RAB8B: variants seen among roughly 807,000 people sequenced by gnomAD.
RAB8B encodes the protein RAB8B, member RAS oncogene family.
In RAB8B, 11 loss-of-function variants were observed where a neutral mutation model predicts 32.0. The observed-to-expected ratio is 0.34, with a 90% CI of 0.22 to 0.57. The LOEUF (loss-of-function observed/expected upper bound fraction) is 0.57. Among genes scored for constraint, RAB8B ranks in the 20% least tolerant of loss-of-function variants. The pLI, the probability that RAB8B is intolerant of heterozygous loss-of-function variation, is 0.86. For synonymous variants in RAB8B, 103 were observed against 89.6 expected (o/e 1.15, Z -0.85); for missense variants, 190 against 258.5 (o/e 0.73, Z 1.82).
At chr15:63,250,035 C>G (rs1418976892) in intron 3 of RAB8B, among the ~76,000 whole-genome samples, 1 of 152,112 alleles carries the variant, frequency 6.6e-6, no homozygotes, top group Non-Finnish European at 1.5e-5. Context: ...ACTCGGGAGG[C>G]TGAGGCAGGA....
chr15:63,225,247 A>G (rs908771974), intron 1 of RAB8B, among the ~76,000 whole-genome samples: 1 of 152,156 alleles, frequency 6.6e-6, no homozygotes, highest in Non-Finnish European at 1.5e-5. Flanking sequence ...CCTTATAAAT[A>G]TGTTTGACAA....
chr15:63,212,309 C>T (rs1374820985), intron 1 of RAB8B, among the ~76,000 whole-genome samples: 2 of 152,224 alleles, frequency 1.3e-5, no homozygotes, highest in Non-Finnish European at 2.9e-5. Context: ...CATTTTTAAA[C>T]ATCCGGGGTT....
chr15:63,263,577 C>A lies in RAB8B; in HGVS notation c.582C>A (p.Asn194Lys), dbSNP rs772669326. 7 of 1,613,056 alleles carry A rather than the reference C, an allele frequency of 4.3e-6. No homozygotes were observed. The East Asian group carries it at 1.6e-4, about 36-fold the overall frequency. The change falls in exon 8 of 8, where the codon AAC becomes AAA. Residue 194 changes from asparagine (N) to lysine (K), a missense_variant. Asn to Lys is a moderately conservative substitution (Grantham distance 94). Transcript: ENST00000321437. Reference protein sequence around the residue: ...GAGGPVKITENRSKKTSFFRC... With the variant: ...GAGGPVKITEKRSKKTSFFRC... ...GTGGACCAGTGAAAATAACAGAAAA[C>A]CGATCAAAGAAGACCAGTTTCTTTC... is the stretch of plus-strand genomic sequence containing the variant.
chr15:63,189,993 C>G (rs2037540720), intron 1 of RAB8B, among the ~76,000 whole-genome samples: 1 of 142,734 alleles, frequency 7.0e-6, no homozygotes, highest in Non-Finnish European at 1.5e-5. Flanking sequence ...GGAAGGGGAA[C>G]AGAGGAACAA....
rs183636462 is a variant in RAB8B at position 63,258,700 on chromosome 15, T to G, written c.415-927T>G. On this transcript the variant is annotated intron_variant, in intron 5 of 7. Coordinates refer to ENST00000321437, the MANE Select transcript of RAB8B (RefSeq NM_016530.3). ...CTGGGGTTTAAATACCCTCTAGAAA[T>G]TTCCCATGGGTTACTTGGTTTACAC... Among the ~76,000 whole-genome samples the G allele has an allele frequency of 7.9e-5, 12 of 152,332 alleles. No homozygotes were observed. In the East Asian group the frequency reaches 2.1e-3, roughly 27 times the overall value.
At chr15:63,245,486 A>T (rs2038063845) in intron 2 of RAB8B, among the ~76,000 whole-genome samples, 2 of 152,230 alleles carry the variant, frequency 1.3e-5, no homozygotes, top group Non-Finnish European at 2.9e-5. Flanking sequence ...CACCACCACC[A>T]GGTAATTCTC....
In RAB8B at chr15:63,250,840, A is replaced by G. The variant is rs1488125690; in HGVS notation, c.246+1135A>G. Among the ~76,000 whole-genome samples, 4 of 151,210 alleles carry G rather than the reference A, an allele frequency of 2.6e-5. No individual in the cohort carries two copies. The East Asian group carries it at 7.7e-4, about 29-fold the overall frequency. On this transcript the variant is annotated intron_variant, in intron 3 of 7. Transcript: ENST00000321437. ...CATGAACCCCAACCTGGTAGATTGT[A>G]GGGTACCAGCTGCCGTCATTCCCAA...
chr15:63,238,141 G>A (rs1031743260), intron 1 of RAB8B, among the ~76,000 whole-genome samples: 1 of 151,762 alleles, frequency 6.6e-6, no homozygotes, highest in African/African-American at 2.4e-5. Flanking sequence ...CCATAGCTCT[G>A]TAGTATAATT....
chr15:63,204,002 G>T (rs1011499727), intron 1 of RAB8B, among the ~76,000 whole-genome samples: 1 of 152,054 alleles, frequency 6.6e-6, no homozygotes, highest in Non-Finnish European at 1.5e-5. Flanking sequence ...GGGTTGTCGG[G>T]GGGTGGTTGA....
At chr15:63,192,818 G>A (rs1353232406) in intron 1 of RAB8B, among the ~76,000 whole-genome samples, 1 of 152,170 alleles carries the variant, frequency 6.6e-6, no homozygotes, top group Non-Finnish European at 1.5e-5. Context: ...TATTGGCTGG[G>A]TGTGGTGGCT....
intron 1 of RAB8B, among the ~76,000 whole-genome samples, chr15:63,220,668 A>G (rs1437703561): frequency 6.6e-6 from 1 of 152,206 alleles, no homozygotes; most frequent in Admixed American, 6.5e-5. Context: ...CCAGCCATTA[A>G]GATTCATTCC....
At position 63,263,662 on chromosome 15, in the gene RAB8B, T is replaced by A; in HGVS notation, c.*43T>A. The A allele has an allele frequency of 6.8e-7, 1 of 1,468,144 alleles. No homozygotes were observed. Among genetic ancestry groups the A allele is most frequent in the South Asian group, 1.1e-5 (1 of 87,444 alleles). 90.9% of individuals were successfully genotyped at this position (1,468,144 alleles called of 1,614,324 possible). On this transcript the variant is annotated 3_prime_UTR_variant, in exon 8 of 8. Transcript: ENST00000321437. Reference sequence around the variant, plus strand: ...ACTGCAGCACACCTAGAGGGCCCTTTCCTGCTTCTCTGAAAGCACAGGTCA... The same window carrying A: ...ACTGCAGCACACCTAGAGGGCCCTTACCTGCTTCTCTGAAAGCACAGGTCA...
Position 63,263,615 on chromosome 15 carries a change from T to A in RAB8B, c.620T>A (p.Leu207His). 1.9e-6 allele frequency: 3 copies of A among 1,602,800 alleles called. No individual in the cohort carries two copies. Among genetic ancestry groups the A allele is most frequent in the Non-Finnish European group, 2.6e-6 (3 of 1,169,710 alleles). Residue 207 changes from leucine (L) to histidine (H), a missense_variant, in exon 8 of 8, where the codon CTT (leucine) becomes CAT (histidine). Leu to His is a moderately conservative substitution (Grantham distance 99, BLOSUM62 -3). Transcript: ENST00000321437. ...KKTSFFRCSL[L>H] ...ACCAGTTTCTTTCGTTGCTCGCTAC[T>A]TTGATGAACTCTTTCTGAGAGACTG...
intron 1 of RAB8B, among the ~76,000 whole-genome samples, chr15:63,244,018 G>A (rs927278520): frequency 3.9e-5 from 6 of 152,098 alleles, no homozygotes; most frequent in Non-Finnish European, 5.9e-5. Flanking sequence ...AGGACAATCC[G>A]TTCATACAGG....
At chr15:63,205,229 G>T (rs2037688271) in intron 1 of RAB8B, among the ~76,000 whole-genome samples, 2 of 152,260 alleles carry the variant, frequency 1.3e-5, no homozygotes, top group South Asian at 4.1e-4. Context: ...GAACCCAGGA[G>T]ATGGAAGTTG....
intron 1 of RAB8B, among the ~76,000 whole-genome samples, chr15:63,196,207 G>A (rs2037598535): frequency 6.6e-6 from 1 of 152,200 alleles, no homozygotes; most frequent in Admixed American, 6.5e-5. Context: ...GGGCCAAACA[G>A]ACATGTCTGT....
Position 63,256,587 on chromosome 15 carries a change from G to A in RAB8B, c.407G>A (p.Gly136Glu). The A allele has an allele frequency of 6.3e-7, 1 of 1,595,510 alleles. No individual in the cohort carries two copies. Among genetic ancestry groups the A allele is most frequent in the Non-Finnish European group, 8.5e-7 (1 of 1,169,792 alleles). ...NDKRQVSKER[G>E]EKLAIDYGIK... ...AAAAGACAAGTGTCAAAAGAAAGAG[G>A]GGAGAAGGTAAATGTGAATGGAATG... Residue 136 changes from glycine to glutamate, a missense_variant, in exon 5 of 8, where the codon GGG (glycine) becomes GAG (glutamate). Physicochemically the swap from Gly to Glu is moderately conservative, Grantham distance 98 (BLOSUM62 -2). Coordinates refer to ENST00000321437, the MANE Select transcript of RAB8B (RefSeq NM_016530.3).
At chr15:63,238,501 A>G (rs2038003491) in intron 1 of RAB8B, among the ~76,000 whole-genome samples, 1 of 152,312 alleles carries the variant, frequency 6.6e-6, no homozygotes, top group East Asian at 1.9e-4. Context: ...AATTGCCTTC[A>G]GAGAAGTACT....
intron 1 of RAB8B, among the ~76,000 whole-genome samples, chr15:63,193,814 A>AAAC (rs112905643): frequency 0.23 from 34,781 of 151,628 alleles, 4,290 homozygotes; most frequent in Admixed American, 0.32. Flanking sequence ...CCATCTCAAA[A>AAAC]AACAACAACA....
Sources: allele counts gnomAD v4.1 joint callset (sites outside exome capture counted in the v4.1 genomes callset), GRCh38; gene constraint gnomAD v4.1.1; transcripts MANE v1.5; gene names NCBI Gene and HGNC (gene_info 2026-07-23, HGNC 2026-07-21).